Variants in CCNJ observed in about 807,000 individuals in gnomAD.
CCNJ encodes cyclin-J.
A neutral mutation model predicts 41.4 loss-of-function variants in CCNJ; 12 were observed. The observed-to-expected ratio is 0.29, with a 90% confidence interval of 0.19 to 0.47. The LOEUF is 0.47. CCNJ is among the 20% of genes least tolerant of loss of function. The pLI, the probability that CCNJ is intolerant of heterozygous loss-of-function variation, is 1.00. For synonymous variants in CCNJ, 161 were observed against 173.4 expected, an observed-to-expected ratio of 0.93 and a Z score of 0.56; for missense variants, 340 against 464.6, an observed-to-expected ratio of 0.73 and a Z score of 2.47.
At chr10:96,043,420 C>A (rs557299977), upstream of CCNJ, 6 of 372,362 alleles carry the variant, frequency 1.6e-5, no homozygotes, top group East Asian at 2.3e-4. Context: ...CGTACCCAGG[C>A]GGGAGCCGCC....
chr10:96,043,655 G>A lies in CCNJ; in HGVS notation c.-106G>A. The A allele has an allele frequency of 2.5e-6, 1 of 394,756 alleles. No homozygotes were observed. Among genetic ancestry groups the A allele is most frequent in the Non-Finnish European group, 4.5e-6 (1 of 223,484 alleles). 24.5% of individuals were successfully genotyped at this position (394,756 alleles called of 1,614,324 possible). A position where few individuals can be genotyped will look rare whatever the true frequency, so the allele number is the denominator to read the frequency against. ...GGCGCTTAGCGGCCCACTGTCCGCA[G>A]CATGAGCGGGGCCGGCGTCCGCCGC... is the stretch of plus-strand genomic sequence containing the variant. On this transcript the variant is annotated 5_prime_UTR_variant, in exon 1 of 6. Coordinates refer to ENST00000465148, the MANE Select transcript of CCNJ (RefSeq NM_001134375.2).
intron 5 of CCNJ, 145 bp downstream of exon 5, chr10:96,057,392 A>G (rs759508218): frequency 2.8e-5 from 19 of 681,244 alleles, no homozygotes; most frequent in Non-Finnish European, 4.6e-5. Flanking sequence ...GAGCAAGCCC[A>G]TGTATGAGCA....
At chr10:96,051,309 C>T (rs747601208) in intron 3 of CCNJ, among the ~76,000 whole-genome samples, 2 of 151,738 alleles carry the variant, frequency 1.3e-5, no homozygotes, top group African/African-American at 2.4e-5. Flanking sequence ...AGATAGGGCA[C>T]GTAAAGGAAT....
intron 2 of CCNJ, 26 bp downstream of exon 2, chr10:96,044,488 C>T (rs369217974): frequency 8.8e-6 from 13 of 1,470,622 alleles, no homozygotes; most frequent in Non-Finnish European, 1.0e-5. Context: ...GGCCTGCCTT[C>T]TCCTTCTGTG....
chr10:96,053,836 C>G (rs1197510731), intron 3 of CCNJ, among the ~76,000 whole-genome samples: 1 of 152,126 alleles, frequency 6.6e-6, no homozygotes, highest in Non-Finnish European at 1.5e-5. Context: ...TTAATGAGCT[C>G]AGAATTTTTT....
In CCNJ at chr10:96,060,006, T is replaced by C. The variant is rs2861239; in HGVS notation, c.*1765T>C. 6.6e-6 allele frequency: 1 copy of C among 152,650 alleles called. No individual in the cohort carries two copies. The highest frequency in any genetic ancestry group is 1.5e-5 in the Non-Finnish European group (1 of 68,036). The allele number at this position is 152,650 out of a possible 1,614,324, so 9.5% of individuals were successfully genotyped here. A position where few individuals can be genotyped will look rare whatever the true frequency, so the allele number is the denominator to read the frequency against. On this transcript the variant is annotated 3_prime_UTR_variant, in exon 6 of 6. Coordinates refer to ENST00000465148, the MANE Select transcript of CCNJ (RefSeq NM_001134375.2). ...TGAAAAACCACTCAGGTAAGAACAC[T>C]CACTCATGGCAGTTTTTAAGCATGA...
chr10:96,051,234 T>G (rs1159908149), intron 3 of CCNJ, among the ~76,000 whole-genome samples: 1 of 152,242 alleles, frequency 6.6e-6, no homozygotes, highest in Non-Finnish European at 1.5e-5. Flanking sequence ...GGTGGATCTT[T>G]TGGCCCCTCT....
intron 3 of CCNJ, among the ~76,000 whole-genome samples, chr10:96,056,181 C>A (rs1160999031): frequency 1.3e-5 from 2 of 151,884 alleles, no homozygotes; most frequent in African/African-American, 2.4e-5. Flanking sequence ...TGGTGGCGGG[C>A]GCCTGTAGTC....
rs2080710002 is a variant in CCNJ at position 96,056,874 on chromosome 10, G to C, written c.454G>C (p.Glu152Gln). 6.2e-7 allele frequency: 1 copy of C among 1,613,994 alleles called. No homozygotes were observed. The highest frequency in any genetic ancestry group is 8.5e-7 in the Non-Finnish European group (1 of 1,180,012). The change falls in exon 4 of 6, where the codon GAG becomes CAG. Residue 152 changes from glutamate (E) to glutamine (Q), a missense_variant. Glu to Gln is a conservative substitution (Grantham distance 29, BLOSUM62 2). This residue lies in a region of CCNJ where 137 missense variants were observed against 252.9 expected (regional missense o/e 0.54). Coordinates refer to ENST00000465148, the MANE Select transcript of CCNJ (RefSeq NM_001134375.2). Reference protein sequence around the residue: ...LCLPTAAHFIEYYLSEAVHET... With the variant: ...LCLPTAAHFIQYYLSEAVHET... ...CCTTCCAACAGCCGCCCATTTCATT[G>C]AGTATTATCTCTCTGAAGCAGTACA... is the stretch of plus-strand genomic sequence containing the variant.
At position 96,057,977 on chromosome 10, in the gene CCNJ, G is replaced by A; in HGVS notation, c.888G>A (p.Gln296=). Residue 296 remains glutamine (Q), a synonymous_variant, in exon 6 of 6, where the codon CAG becomes CAA. Coordinates refer to ENST00000465148, the MANE Select transcript of CCNJ (RefSeq NM_001134375.2). ...QQPQYLHQTH[Q]TSLQYRHPTS... is the part of the protein sequence containing the mutation. Reference sequence around the variant, plus strand: ...CTCAGTATCTCCATCAGACACATCAGACCTCACTGCAGTATCGCCATCCTA... The same window carrying A: ...CTCAGTATCTCCATCAGACACATCAAACCTCACTGCAGTATCGCCATCCTA... The A allele has an allele frequency of 6.2e-7, 1 of 1,614,124 alleles. No homozygotes were observed. Among genetic ancestry groups the A allele is most frequent in the African/African-American group, 1.3e-5 (1 of 74,992 alleles).
rs145212898 is a variant in CCNJ at position 96,049,180 on chromosome 10, A to G, written c.70-1076A>G. Among the ~76,000 whole-genome samples, 586 of 152,274 alleles carry G rather than the reference A, an allele frequency of 3.8e-3. 5 individuals carry two copies. The highest frequency in any genetic ancestry group is 0.014 in the Middle Eastern group (4 of 294). On this transcript the variant is annotated intron_variant, in intron 2 of 5. Transcript: ENST00000465148. ...GTGGTTTTGATTTGCATTTCCTAAT[A>G]ATTAGTGATGCTGAACAAACATCTT... is the stretch of plus-strand genomic sequence containing the variant.
upstream of CCNJ, chr10:96,043,549 T>G (rs2080270641): frequency 2.5e-6 from 1 of 394,332 alleles, no homozygotes; most frequent in Non-Finnish European, 4.5e-6. Flanking sequence ...GCCCCCGCGC[T>G]GGCTTTGTAT....
Position 96,058,399 on chromosome 10 carries a change from A to G in CCNJ, c.*158A>G, listed in dbSNP as rs2080751555. On this transcript the variant is annotated 3_prime_UTR_variant, in exon 6 of 6. Coordinates refer to ENST00000465148, the MANE Select transcript of CCNJ (RefSeq NM_001134375.2). Reference sequence around the variant, plus strand: ...GACTGAATATCCTTTTTAATGCACCATGAATCCTGGGAGACTAAGCAAATT... The same window carrying G: ...GACTGAATATCCTTTTTAATGCACCGTGAATCCTGGGAGACTAAGCAAATT... 3 of 604,572 alleles carry G rather than the reference A, an allele frequency of 5.0e-6. No homozygotes were observed. The East Asian group carries it at 8.2e-5, about 17-fold the overall frequency. 37.5% of individuals were successfully genotyped at this position (604,572 alleles called of 1,614,324 possible).
At position 96,057,930 on chromosome 10, in the gene CCNJ, C is replaced by T. The variant is rs147719412; in HGVS notation, c.841C>T (p.Arg281Trp). Reference sequence around the variant, plus strand: ...ATTCCAGACAGCCTCCCAGCCATCACGGCCAGTTCACTTTCAGCAACCTCA... The same window carrying T: ...ATTCCAGACAGCCTCCCAGCCATCATGGCCAGTTCACTTTCAGCAACCTCA... ...SVFQTASQPSRPVHFQQPQYL... is the reference protein window; with the variant it reads ...SVFQTASQPSWPVHFQQPQYL... Residue 281 changes from arginine to tryptophan, a missense_variant, in exon 6 of 6, where the codon CGG (arginine) becomes TGG (tryptophan). Around this residue, in one of 3 missense-constraint regions of CCNJ, gnomAD observed 159 missense variants for 168.2 expected, o/e 0.95. Transcript: ENST00000465148. 6.5e-5 allele frequency: 105 copies of T among 1,614,188 alleles called. No homozygotes were observed. The highest frequency in any genetic ancestry group is 8.0e-5 in the Non-Finnish European group (94 of 1,180,014).
At chr10:96,048,429 C>G (rs1436012280) in intron 2 of CCNJ, among the ~76,000 whole-genome samples, 2 of 152,198 alleles carry the variant, frequency 1.3e-5, no homozygotes, top group Non-Finnish European at 2.9e-5. Context: ...TTTTTCTCCA[C>G]AACCTTGCCA....
At chr10:96,050,869 G>T (rs2080501771) in intron 3 of CCNJ, among the ~76,000 whole-genome samples, 1 of 152,204 alleles carries the variant, frequency 6.6e-6, no homozygotes, top group African/African-American at 2.4e-5. Context: ...AACGTGTACA[G>T]ACGTTTTGGT....
chr10:96,046,866 G>C (rs941388336), intron 2 of CCNJ, among the ~76,000 whole-genome samples: 1 of 152,108 alleles, frequency 6.6e-6, no homozygotes, highest in African/African-American at 2.4e-5. Context: ...AGGCTGTTTG[G>C]GAAAGTGTTT....
At position 96,058,250 on chromosome 10, in the gene CCNJ, G is replaced by A. The variant is rs200955618; in HGVS notation, c.*9G>A. 57 of 1,605,478 alleles carry A rather than the reference G, an allele frequency of 3.6e-5. No individual in the cohort carries two copies. The highest frequency in any genetic ancestry group is 4.1e-5 in the Non-Finnish European group (48 of 1,174,350). On this transcript the variant is annotated 3_prime_UTR_variant, in exon 6 of 6. Transcript: ENST00000465148. ...CATGTTTTGAAAGGTGATTATTTGT[G>A]AAGCTGATAACCGACCCAGACTGCT...
At chr10:96,049,486 T>C (rs1343794585) in intron 2 of CCNJ, among the ~76,000 whole-genome samples, 2 of 148,138 alleles carry the variant, frequency 1.4e-5, no homozygotes, top group Non-Finnish European at 3.0e-5. Flanking sequence ...TTTTTCTTTT[T>C]TTTTTTTTTT....
Sources: gnomAD v4.1 joint callset for allele counts (sites outside exome capture counted in the v4.1 genomes callset) on GRCh38, gnomAD v4.1.1 for gene constraint, gnomAD v4.1.1 regional missense constraint, MANE v1.5 for transcripts, NCBI Gene and HGNC (gene_info 2026-07-23, HGNC 2026-07-21) for gene names.